The following CUBN variants were observed in gnomAD, a reference collection of about 807,000 sequenced individuals.
CUBN encodes the protein cubilin.
In CUBN, 282 loss-of-function variants were observed where a neutral mutation model predicts 405.3. The ratio of observed to expected loss-of-function variants is 0.70; its 90% confidence interval spans 0.63 to 0.77. CUBN has a LOEUF of 0.77. CUBN is among the 30% of genes least tolerant of loss of function. CUBN has a pLI of 0.00. For missense variants in CUBN, 4,514 were observed against 4,475.2 expected (o/e 1.01, Z -0.25); for synonymous variants, 1,684 against 1,617.0 (o/e 1.04, Z -0.99).
chr10:16,933,068 T>C lies in CUBN; in HGVS notation c.6124+19A>G, dbSNP rs893229275. On this transcript the variant is annotated intron_variant, in intron 40 of 66. Transcript: ENST00000377833. Reference sequence around the variant, plus strand: ...TATGTGTCAGGGTTGAAACTCAGCATTCTTTATAATGTTCTCACCATCTCG... The same window carrying C: ...TATGTGTCAGGGTTGAAACTCAGCACTCTTTATAATGTTCTCACCATCTCG... 6.2e-7 allele frequency: 1 copy of C among 1,611,724 alleles called. No individual in the cohort carries two copies. The highest frequency in any genetic ancestry group is 8.5e-7 in the Non-Finnish European group (1 of 1,177,876).
At chr10:16,916,320 G>T (rs553561753) in intron 45 of CUBN, among the ~76,000 whole-genome samples, 12 of 152,172 alleles carry the variant, frequency 7.9e-5, no homozygotes, top group Non-Finnish European at 1.6e-4. Flanking sequence ...ATTCTTTTGG[G>T]ACACTATGTA....
intron 56 of CUBN, among the ~76,000 whole-genome samples, chr10:16,887,362 T>C (rs1300740084): frequency 6.6e-6 from 1 of 152,262 alleles, no homozygotes; most frequent in African/African-American, 2.4e-5. Context: ...ATGGAATACA[T>C]AGAATAATAC....
chr10:17,039,216 T>C (rs1238121977), intron 27 of CUBN, among the ~76,000 whole-genome samples: 1 of 152,208 alleles, frequency 6.6e-6, no homozygotes, highest in Non-Finnish European at 1.5e-5. Context: ...CTCGGCAAGA[T>C]CATGAGTCCT....
intron 17 of CUBN, among the ~76,000 whole-genome samples, chr10:17,079,235 C>CT (rs34189586): frequency 0.7 from 87,286 of 124,508 alleles, 31,032 homozygotes; most frequent in Middle Eastern, 0.88. Context: ...AATGCAAACT[C>CT]TTTTTTTTTT....
At chr10:16,996,475 G>A (rs1290758361) in intron 28 of CUBN, among the ~76,000 whole-genome samples, 1 of 152,160 alleles carries the variant, frequency 6.6e-6, no homozygotes, top group Non-Finnish European at 1.5e-5. Context: ...TACTTGTGTA[G>A]ATAACTTAAA....
Position 17,114,006 on chromosome 10 carries a change from C to T in CUBN, c.883+21G>A, listed in dbSNP as rs1243214886. 5.6e-6 allele frequency: 9 copies of T among 1,609,690 alleles called. No homozygotes were observed. The African/African-American group carries it at 6.7e-5, about 12-fold the overall frequency. ...CGCCAACCTGGCATGCAGAGCCTGG[C>T]TTGTGGCCCTGAGAATGTACCTGTT... On this transcript the variant is annotated intron_variant, in intron 8 of 66. Transcript: ENST00000377833.
chr10:16,907,484 G>C (rs765571810), intron 49 of CUBN, 24 bp downstream of exon 49: 2 of 1,613,542 alleles, frequency 1.2e-6, no homozygotes, highest in South Asian at 1.1e-5. Context: ...TAAAATGGGG[G>C]GCATTTACAA....
intron 27 of CUBN, among the ~76,000 whole-genome samples, chr10:17,038,438 T>C (rs1455997072): frequency 2.0e-5 from 3 of 152,194 alleles, no homozygotes; most frequent in Non-Finnish European, 4.4e-5. Flanking sequence ...AATATTTTGT[T>C]TTGCCCAGAG....
Position 16,888,526 on chromosome 10 carries a change from A to G in CUBN, c.8796T>C (p.Ile2932=). ...SNFTGPSGYI[I]SPNYPKQYDN... The stretch of plus-strand genomic sequence containing the variant: ...CATATTGTTTTGGGTAATTTGGAGA[A>G]ATGATGTAACCTGAAGGGCCAGTGA... The change falls in exon 56 of 67, where the codon ATT becomes ATC. Residue 2932 remains isoleucine, a synonymous_variant. Transcript: ENST00000377833. 6.2e-7 allele frequency: 1 copy of G among 1,613,750 alleles called. No homozygotes were observed. The highest frequency in any genetic ancestry group is 8.5e-7 in the Non-Finnish European group (1 of 1,179,748).
At position 16,850,628 on chromosome 10, in the gene CUBN, C is replaced by T. The variant is rs556991284; in HGVS notation, c.9663+607G>A. The stretch of plus-strand genomic sequence containing the variant: ...CTGGGACTACAGGCGCCCGCCGCCA[C>T]ACCCGGCTAATTTTTTGTGTCTTTA... On this transcript the variant is annotated intron_variant, in intron 60 of 66. Coordinates refer to ENST00000377833, the MANE Select transcript of CUBN (RefSeq NM_001081.4). 2.3e-3 allele frequency among the ~76,000 whole-genome samples: 355 copies of T among 152,254 alleles called. 1 individual carries two copies. Among genetic ancestry groups the T allele is most frequent in the Non-Finnish European group, 3.8e-3 (257 of 68,032 alleles).
chr10:16,828,015 T>C (rs1439504848), intron 66 of CUBN, among the ~76,000 whole-genome samples: 1 of 152,236 alleles, frequency 6.6e-6, no homozygotes, highest in East Asian at 1.9e-4. Context: ...AAAAACAAAC[T>C]ATCGGTCACC....
intron 60 of CUBN, among the ~76,000 whole-genome samples, chr10:16,842,597 G>A (rs184287071): frequency 3.9e-5 from 6 of 152,142 alleles, no homozygotes; most frequent in East Asian, 3.9e-4. Context: ...GATCTCCATC[G>A]TCCTTCACCT....
intron 56 of CUBN, among the ~76,000 whole-genome samples, chr10:16,883,011 GAAGAA>G (rs150252725): frequency 4.0e-5 from 6 of 149,648 alleles, no homozygotes; most frequent in South Asian, 2.1e-4. Flanking sequence ...AAGACTCTGT[GAAGAA>G]AAGAAAAGAA....
Position 16,888,530 on chromosome 10 carries a change from A to T in CUBN, c.8792T>A (p.Ile2931Asn), listed in dbSNP as rs754291245. The T allele has an allele frequency of 1.2e-6, 2 of 1,613,610 alleles. No homozygotes were observed. Among genetic ancestry groups the T allele is most frequent in the Non-Finnish European group, 1.7e-6 (2 of 1,179,728 alleles). Reference protein sequence around the residue: ...GSNFTGPSGYIISPNYPKQYD... With the variant: ...GSNFTGPSGYNISPNYPKQYD... ...TTGTTTTGGGTAATTTGGAGAAATGATGTAACCTGAAGGGCCAGTGAAATT... is the reference window on the plus strand; with the variant it reads ...TTGTTTTGGGTAATTTGGAGAAATGTTGTAACCTGAAGGGCCAGTGAAATT... Residue 2931 changes from isoleucine (I) to asparagine (N), a missense_variant, in exon 56 of 67, where the codon ATC (isoleucine) becomes AAC (asparagine). Transcript: ENST00000377833.
chr10:16,920,028 C>G lies in CUBN; in HGVS notation c.6756G>C (p.Ala2252=). 6.2e-7 allele frequency: 1 copy of G among 1,613,872 alleles called. No individual in the cohort carries two copies. The part of the protein sequence containing the change: ...PPHADCIWIL[A]APPETRIQLQ... ...GCTGTATGCGTGTTTCCGGTGGAGCCGCTAAGATCCAAATGCAATCAGCGT... is the reference window on the plus strand; with the variant it reads ...GCTGTATGCGTGTTTCCGGTGGAGCGGCTAAGATCCAAATGCAATCAGCGT... Residue 2252 remains alanine (A), a synonymous_variant, in exon 44 of 67, where the codon GCG becomes GCC. Coordinates refer to ENST00000377833, the MANE Select transcript of CUBN (RefSeq NM_001081.4).
chr10:16,907,860 G>C (rs957558729), intron 48 of CUBN, among the ~76,000 whole-genome samples, 181 bp from the exon 49 acceptor site: 6 of 152,158 alleles, frequency 3.9e-5, no homozygotes, highest in Non-Finnish European at 7.3e-5. Flanking sequence ...AGCACATTTT[G>C]TGACTTCAGG....
Position 16,925,225 on chromosome 10 carries a change from CA to C in CUBN, c.6646+15del. ...TTGCAGGAAAAGCAGATATAATTCTCAGTGAAAATACTTACCTAAACTCTTT... is the reference window on the plus strand; with the variant it reads ...TTGCAGGAAAAGCAGATATAATTCTCGTGAAAATACTTACCTAAACTCTTT... On this transcript the variant is annotated intron_variant, in intron 43 of 66. Transcript: ENST00000377833. 1 of 1,600,332 alleles carries C rather than the reference CA, an allele frequency of 6.2e-7. No individual in the cohort carries two copies. Among genetic ancestry groups the C allele is most frequent in the Non-Finnish European group, 8.6e-7 (1 of 1,167,740 alleles).
intron 28 of CUBN, among the ~76,000 whole-genome samples, chr10:17,002,814 T>C (rs1393940573): frequency 1.3e-5 from 2 of 152,234 alleles, no homozygotes; most frequent in African/African-American, 4.8e-5. Context: ...AGGAGTTATT[T>C]AGAAACAGAT....
At chr10:17,123,909 T>C (rs543123899) in intron 4 of CUBN, among the ~76,000 whole-genome samples, 2 of 152,322 alleles carry the variant, frequency 1.3e-5, no homozygotes, top group East Asian at 1.9e-4. Context: ...ACTCTCAGCA[T>C]GCTTTTGACC....
Sources: allele counts gnomAD v4.1 joint callset (sites outside exome capture counted in the v4.1 genomes callset), GRCh38; gene constraint gnomAD v4.1.1; transcripts MANE v1.5; gene names NCBI Gene and HGNC (gene_info 2026-07-23, HGNC 2026-07-21).